The following DOCK9 variants were observed in gnomAD, a reference collection of about 807,000 sequenced individuals.
DOCK9 encodes the protein dedicator of cytokinesis protein 9.
In DOCK9, 89 loss-of-function variants were observed where a neutral mutation model predicts 263.3. The observed-to-expected ratio is 0.34, with a 90% CI of 0.28 to 0.40. The LOEUF is 0.40. Ranked by LOEUF, DOCK9 falls within the 10% of genes least tolerant of loss-of-function variation. The pLI, the probability that DOCK9 is intolerant of heterozygous loss-of-function variation, is 1.00. For synonymous variants in DOCK9, 976 were observed against 973.1 expected (o/e 1.00, Z -0.06); for missense variants, 2,140 against 2,603.4 (o/e 0.82, Z 3.87).
chr13:98,885,793 G>A lies in DOCK9; in HGVS notation c.2175C>T (p.His725=). 6.2e-7 allele frequency: 1 copy of A among 1,611,946 alleles called. No individual in the cohort carries two copies. The highest frequency in any genetic ancestry group is 8.5e-7 in the Non-Finnish European group (1 of 1,179,460). ...CATGGAAGAATGTGAGCAACAGGTGGTGCTTTTCATGCAGCTGAGTGGGCA... is the reference window on the plus strand; with the variant it reads ...CATGGAAGAATGTGAGCAACAGGTGATGCTTTTCATGCAGCTGAGTGGGCA... ...IELPTQLHEK[H]HLLLTFFHVS... Residue 725 remains histidine, a synonymous_variant, in exon 20 of 53, where the codon CAC becomes CAT. Coordinates refer to ENST00000682017, the MANE Select transcript of DOCK9 (RefSeq NM_001366683.2).
intron 38 of DOCK9, among the ~76,000 whole-genome samples, chr13:98,838,305 A>G (rs7333687): frequency 0.43 from 65,139 of 152,066 alleles, 14,510 homozygotes; most frequent in East Asian, 0.67. Flanking sequence ...GGGTTGTGGT[A>G]AGGATTAAAT....
chr13:99,039,689 G>A (rs955051919), intron 1 of DOCK9, among the ~76,000 whole-genome samples: 1 of 152,184 alleles, frequency 6.6e-6, no homozygotes, highest in Admixed American at 6.5e-5. Flanking sequence ...GTGAAGAGGA[G>A]CCCATTCTTG....
chr13:98,850,240 C>A, intron 35 of DOCK9, 127 bp from the exon 36 acceptor site: 1 of 604,404 alleles, frequency 1.7e-6, no homozygotes, highest in Non-Finnish European at 2.8e-6. Context: ...GGCCTCTAAA[C>A]CCTTCCCCTG....
At chr13:98,858,115 T>C (rs1236404626) in intron 33 of DOCK9, 1 of 152,140 alleles carries the variant, frequency 6.6e-6, no homozygotes, top group Non-Finnish European at 1.5e-5. Flanking sequence ...ATGCAATATA[T>C]CAAAATCAAT....
chr13:98,880,852 C>T (rs928178950), intron 25 of DOCK9, among the ~76,000 whole-genome samples, 180 bp from the exon 26 acceptor site: 8 of 151,530 alleles, frequency 5.3e-5, no homozygotes, highest in Non-Finnish European at 1.0e-4. Flanking sequence ...TCCAGGATGT[C>T]TTCAAGAAAA....
intron 1 of DOCK9, among the ~76,000 whole-genome samples, chr13:99,073,670 T>TAG (rs1341548550): frequency 1.3e-5 from 2 of 152,132 alleles, no homozygotes; most frequent in Non-Finnish European, 2.9e-5. Flanking sequence ...CACAAAACAG[T>TAG]AGAGTTGGCC....
chr13:98,860,442 G>T lies in DOCK9; in HGVS notation c.3660C>A (p.Ser1220Arg). Residue 1220 changes from serine to arginine, a missense_variant, in exon 33 of 53, where the codon AGC (serine) becomes AGA (arginine). Transcript: ENST00000682017. ...TGGCGCCCAGCAGGTCCTTGTGCAG[G>T]CTGTTGTCCAGGGTGCTTCCCTTCT... ...TPQKGSTLDN[S>R]LHKDLLGAIS... 1.3e-6 allele frequency: 2 copies of T among 1,593,600 alleles called. No individual in the cohort carries two copies. Among genetic ancestry groups the T allele is most frequent in the African/African-American group, 1.3e-5 (1 of 74,736 alleles).
chr13:98,927,898 C>T (rs1227973959), intron 3 of DOCK9, among the ~76,000 whole-genome samples: 2 of 151,526 alleles, frequency 1.3e-5, no homozygotes, highest in Admixed American at 6.6e-5. Flanking sequence ...GGATTACAGG[C>T]GTGAGCCACT....
At chr13:99,045,442 G>C (rs1025843108) in intron 1 of DOCK9, among the ~76,000 whole-genome samples, 9 of 152,152 alleles carry the variant, frequency 5.9e-5, no homozygotes, top group Non-Finnish European at 1.3e-4. Flanking sequence ...CTTAGATGTA[G>C]ACTCTAAAAA....
At chr13:98,837,666 G>A (rs1288857757) in intron 38 of DOCK9, 57 bp from the exon 39 acceptor site, 25 of 1,197,026 alleles carry the variant, frequency 2.1e-5, no homozygotes, top group South Asian at 1.4e-4. Flanking sequence ...AAGGCTGGCA[G>A]GATGCGGTAG....
chr13:99,086,948 C>T (rs1406252686), upstream of DOCK9, among the ~76,000 whole-genome samples: 1 of 152,072 alleles, frequency 6.6e-6, no homozygotes, highest in Admixed American at 6.5e-5. Flanking sequence ...CGAGGCTGGA[C>T]GATGCGCGGT....
upstream of DOCK9, among the ~76,000 whole-genome samples, chr13:99,087,660 C>A (rs1289703346): frequency 6.6e-6 from 1 of 152,194 alleles, no homozygotes; most frequent in South Asian, 2.1e-4. Context: ...CAGCCTAACC[C>A]TCACAGGGCC....
At chr13:98,804,884 G>T in intron 49 of DOCK9, 115 bp downstream of exon 49, 1 of 987,562 alleles carries the variant, frequency 1.0e-6, no homozygotes, top group Non-Finnish European at 1.5e-6. Flanking sequence ...AATGGGTGTG[G>T]GGGTGGCTAA....
intron 1 of DOCK9, among the ~76,000 whole-genome samples, chr13:98,998,803 C>G (rs1009539341): frequency 6.6e-6 from 1 of 152,244 alleles, no homozygotes; most frequent in Non-Finnish European, 1.5e-5. Flanking sequence ...AAGGCACAGA[C>G]AATCCAAGGC....
chr13:98,966,341 C>T (rs1024905697), intron 1 of DOCK9, among the ~76,000 whole-genome samples: 4 of 152,222 alleles, frequency 2.6e-5, no homozygotes, highest in African/African-American at 7.2e-5. Flanking sequence ...CCAGGTAGAG[C>T]GCCTGCAGTG....
intron 9 of DOCK9, among the ~76,000 whole-genome samples, chr13:98,905,676 G>GA (rs1353444714): frequency 6.6e-6 from 1 of 150,770 alleles, no homozygotes; most frequent in African/African-American, 2.4e-5. Flanking sequence ...ATATCATCAA[G>GA]AAAAAAACAT....
intron 1 of DOCK9, among the ~76,000 whole-genome samples, chr13:99,002,715 G>T (rs1428528980): frequency 6.6e-6 from 1 of 152,126 alleles, no homozygotes; most frequent in East Asian, 1.9e-4. Flanking sequence ...ACTTTTCCAT[G>T]CACTGTCCTG....
At chr13:98,964,080 T>A (rs1285825802) in intron 1 of DOCK9, among the ~76,000 whole-genome samples, 2 of 152,226 alleles carry the variant, frequency 1.3e-5, no homozygotes, top group South Asian at 2.1e-4. Context: ...CTGGTTCACA[T>A]GCACTGTGCC....
intron 9 of DOCK9, among the ~76,000 whole-genome samples, chr13:98,907,207 T>C (rs2049244690): frequency 6.6e-6 from 1 of 152,238 alleles, no homozygotes; most frequent in Non-Finnish European, 1.5e-5. Context: ...TGGTGTTTCC[T>C]AACAAAACCA....
Sources: gnomAD v4.1 joint callset for allele counts (sites outside exome capture counted in the v4.1 genomes callset) on GRCh38, gnomAD v4.1.1 for gene constraint, MANE v1.5 for transcripts, NCBI Gene and HGNC (gene_info 2026-07-23, HGNC 2026-07-21) for gene names.